SLC25A48: variants seen among roughly 807,000 people sequenced by gnomAD.
The protein encoded by SLC25A48 is solute carrier family 25 member 48, also known as CTC-321K16.1.
Under a neutral mutation model 32.2 loss-of-function variants are expected in SLC25A48, and 29 were observed. The ratio of observed to expected loss-of-function variants is 0.90; its 90% CI spans 0.67 to 1.23. The LOEUF (loss-of-function observed/expected upper bound fraction) is 1.23. Ranked by LOEUF, SLC25A48 falls within the 50% of genes most tolerant of loss-of-function variation. SLC25A48 has a pLI of 0.00. For missense variants in SLC25A48, 399 were observed against 422.7 expected (o/e 0.94, Z 0.49); for synonymous variants, 164 against 172.3 (o/e 0.95, Z 0.38).
chr5:135,661,595 C>A (rs1224577757), intron 3 of SLC25A48, among the ~76,000 whole-genome samples: 1 of 152,192 alleles, frequency 6.6e-6, no homozygotes, highest in Non-Finnish European at 1.5e-5. Context: ...CTAAAAGCCT[C>A]ACTCCTTTTC....
chr5:135,761,554 C>A (rs954608609), intron 3 of SLC25A48, among the ~76,000 whole-genome samples: 2 of 152,020 alleles, frequency 1.3e-5, no homozygotes, highest in African/African-American at 4.8e-5. Context: ...AAAAATGTAA[C>A]CATTACTGAA....
intron 2 of SLC25A48, among the ~76,000 whole-genome samples, chr5:135,848,583 C>T (rs987814195): frequency 1.3e-5 from 2 of 152,150 alleles, no homozygotes; most frequent in African/African-American, 4.8e-5. Flanking sequence ...CTCTGTAGTA[C>T]TTGTCTTCAT....
intron 3 of SLC25A48, among the ~76,000 whole-genome samples, chr5:135,644,808 A>G (rs1432010803): frequency 1.3e-5 from 2 of 152,248 alleles, no homozygotes; most frequent in Admixed American, 6.5e-5. Flanking sequence ...TCCCAAGTGT[A>G]AGTTGACAGT....
chr5:135,874,013 C>T lies in SLC25A48; in HGVS notation c.680-8C>T. 3.3e-6 allele frequency: 5 copies of T among 1,531,268 alleles called. No homozygotes were observed. The highest frequency in any genetic ancestry group is 2.6e-6 in the Non-Finnish European group (3 of 1,145,220). 94.9% of individuals were successfully genotyped at this position (1,531,268 alleles called of 1,614,324 possible). A position where few individuals can be genotyped will look rare whatever the true frequency, so the allele number is the denominator to read the frequency against. On this transcript the variant is annotated splice_region_variant and splice_polypyrimidine_tract_variant and intron_variant, in intron 5 of 7. Transcript: ENST00000681962. ...TAGCCCCTGACACCTGTTTCTTTCT[C>T]TTTGCAGGAGCAATTTCTTGGGGGA...
At chr5:135,843,568 G>A (rs1018449680) in intron 2 of SLC25A48, among the ~76,000 whole-genome samples, 12 of 152,186 alleles carry the variant, frequency 7.9e-5, no homozygotes, top group Non-Finnish European at 1.6e-4. Context: ...ACAAGGTGAT[G>A]GCAAACACAG....
chr5:135,781,924 G>C (rs1240431276), intron 3 of SLC25A48, among the ~76,000 whole-genome samples: 1 of 114,242 alleles, frequency 8.8e-6, no homozygotes, highest in Non-Finnish European at 2.2e-5. Flanking sequence ...TCAGTGGTTG[G>C]GGGGAGGGGT....
At chr5:135,626,685 C>T (rs904821080) in intron 1 of SLC25A48, among the ~76,000 whole-genome samples, 4 of 152,128 alleles carry the variant, frequency 2.6e-5, no homozygotes, top group Non-Finnish European at 5.9e-5. Context: ...GGTAATGCCC[C>T]AATCTATGCA....
chr5:135,650,191 A>G (rs1324816401), intron 3 of SLC25A48: 1 of 233,646 alleles, frequency 4.3e-6, no homozygotes, highest in Non-Finnish European at 8.6e-6. Context: ...AGCCTTGTCC[A>G]ACCTCATAGT....
intron 3 of SLC25A48, among the ~76,000 whole-genome samples, chr5:135,787,446 C>T (rs1403239998): frequency 2.6e-5 from 4 of 151,756 alleles, no homozygotes; most frequent in Non-Finnish European, 5.9e-5. Flanking sequence ...GTGTGTACAC[C>T]CTGTGTTATT....
intron 1 of SLC25A48, among the ~76,000 whole-genome samples, chr5:135,840,069 C>T (rs1235896266): frequency 6.6e-6 from 1 of 152,172 alleles, no homozygotes; most frequent in Non-Finnish European, 1.5e-5. Context: ...GGCCTTAGGG[C>T]AGCCTTGGTT....
At chr5:135,612,216 A>C (rs1752090207) in intron 1 of SLC25A48, among the ~76,000 whole-genome samples, 1 of 152,244 alleles carries the variant, frequency 6.6e-6, no homozygotes, top group Non-Finnish European at 1.5e-5. Flanking sequence ...TTGGTGGAAA[A>C]GAATACCATG....
chr5:135,779,234 A>G (rs1183149144), intron 3 of SLC25A48, among the ~76,000 whole-genome samples: 1 of 151,822 alleles, frequency 6.6e-6, no homozygotes, highest in East Asian at 1.9e-4. Flanking sequence ...CCCCTGTGAT[A>G]TTGTTCCTGA....
chr5:135,776,392 TGTAC>T (rs2126615622), intron 3 of SLC25A48, among the ~76,000 whole-genome samples: 1 of 151,948 alleles, frequency 6.6e-6, no homozygotes, highest in East Asian at 1.9e-4. Context: ...TCGTGGGGAA[TGTAC>T]ACACCTTCTG....
chr5:135,729,090 G>A (rs1380316252), intron 3 of SLC25A48, among the ~76,000 whole-genome samples: 3 of 152,060 alleles, frequency 2.0e-5, no homozygotes, highest in South Asian at 2.1e-4. Context: ...CCCCTTCCAT[G>A]TGCCTAGTAA....
Position 135,783,470 on chromosome 5 carries a change from C to G in SLC25A48, c.-520-29053C>G, listed in dbSNP as rs1756768533. On this transcript the variant is annotated intron_variant, in intron 3 of 10. Transcript: ENST00000646290. ...GAGCATGATATTATTCGCACTATTG[C>G]AGGGGCTTTACATACTGCTGTGATA... Among the ~76,000 whole-genome samples the G allele has an allele frequency of 1.8e-5, 2 of 112,216 alleles. 1 individual carries two copies. The highest frequency in any genetic ancestry group is 6.3e-4 in the South Asian group (2 of 3,176). 73.6% of individuals were successfully genotyped at this position (112,216 alleles called of 152,430 possible).
chr5:135,666,632 A>T lies in SLC25A48; in HGVS notation c.-521+31676A>T, dbSNP rs186103997. 9.2e-5 allele frequency among the ~76,000 whole-genome samples: 14 copies of T among 152,174 alleles called. No individual in the cohort carries two copies. The East Asian group carries it at 2.5e-3, about 27-fold the overall frequency. On this transcript the variant is annotated intron_variant, in intron 3 of 10. Coordinates refer to the SLC25A48 transcript ENST00000646290. ...AAGATTTGGAAAAGCTTTGATTTCT[A>T]ATAGAAGCCTGTGGTTCAGGGCATC...
intron 3 of SLC25A48, among the ~76,000 whole-genome samples, chr5:135,721,023 C>T (rs899813919): frequency 6.6e-6 from 1 of 151,718 alleles, no homozygotes; most frequent in African/African-American, 2.4e-5. Context: ...GGGCTCTGAG[C>T]TCCCATTCCC....
At chr5:135,622,901 C>T (rs13187792) in intron 1 of SLC25A48, among the ~76,000 whole-genome samples, 2,368 of 152,224 alleles carry the variant, frequency 0.016, 21 homozygotes, top group Non-Finnish European at 0.025. Context: ...TGAATGGCTA[C>T]GTTAGAATCT....
chr5:135,638,360 C>A (rs1296068996), intron 3 of SLC25A48, among the ~76,000 whole-genome samples: 1 of 151,506 alleles, frequency 6.6e-6, no homozygotes, highest in East Asian at 1.9e-4. Context: ...TTTAATGTGC[C>A]AACAAATCAA....
Sources: allele counts gnomAD v4.1 joint callset (sites outside exome capture counted in the v4.1 genomes callset), GRCh38; gene constraint gnomAD v4.1.1; transcripts MANE v1.5; gene names NCBI Gene and HGNC (gene_info 2026-07-23, HGNC 2026-07-21).